EZH2: variants seen among roughly 807,000 people sequenced by gnomAD.
EZH2 encodes enhancer of zeste 2 polycomb repressive complex 2 subunit.
In EZH2, 18 loss-of-function variants were observed where a neutral mutation model predicts 98.4. The observed-to-expected ratio is 0.18, with a 90% CI of 0.13 to 0.27. The LOEUF is 0.27. Ranked by LOEUF, EZH2 falls within the 10% of genes least tolerant of loss-of-function variation. EZH2 has a pLI of 1.00. For missense variants in EZH2, 470 were observed against 935.1 expected (o/e 0.50, Z 6.49); for synonymous variants, 338 against 312.3 (o/e 1.08, Z -0.87).
chr7:148,842,455 T>C (rs1812703830), intron 3 of EZH2, among the ~76,000 whole-genome samples: 1 of 152,196 alleles, frequency 6.6e-6, no homozygotes, highest in Non-Finnish European at 1.5e-5. Flanking sequence ...AACATAGTTA[T>C]TACTGGTTGA....
In EZH2 at chr7:148,816,670, C is replaced by T. The variant is rs1297698887; in HGVS notation, c.1505+14G>A. The T allele has an allele frequency of 1.2e-6, 2 of 1,603,928 alleles. No homozygotes were observed. Among genetic ancestry groups the T allele is most frequent in the South Asian group, 2.2e-5 (2 of 90,848 alleles). On this transcript the variant is annotated intron_variant, in intron 12 of 19. Transcript: ENST00000320356. ...CTATGTTGACTTCTCTAAGGAGCTT[C>T]ATGACAGACTCACCGGTGTTTCCTC...
chr7:148,814,980 C>T lies in EZH2; in HGVS notation c.1606G>A (p.Asp536Asn). 3 of 1,613,938 alleles carry T rather than the reference C, an allele frequency of 1.9e-6. No homozygotes were observed. The highest frequency in any genetic ancestry group is 2.5e-6 in the Non-Finnish European group (3 of 1,180,008). ...GCTATCACACAAGGGCACGAACTGT[C>T]ACAAGGCTGCCGTGGATGATCACAG... The part of the protein sequence containing the change: ...QPCDHPRQPC[D>N]SSCPCVIAQN... Residue 536 changes from aspartate (D) to asparagine (N), a missense_variant, in exon 14 of 20, where the codon GAC becomes AAC. Coordinates refer to ENST00000320356, the MANE Select transcript of EZH2 (RefSeq NM_004456.5).
At chr7:148,854,901 A>G (rs1816554308) in intron 1 of EZH2, among the ~76,000 whole-genome samples, 1 of 152,276 alleles carries the variant, frequency 6.6e-6, no homozygotes, top group Admixed American at 6.5e-5. Context: ...AGGTAAGGAT[A>G]AGAAAAACAA....
intron 1 of EZH2, among the ~76,000 whole-genome samples, chr7:148,853,394 A>G (rs1029025444): frequency 1.2e-4 from 18 of 152,110 alleles, no homozygotes; most frequent in African/African-American, 4.3e-4. Context: ...CCTAGGCAAC[A>G]CAGTGAGACG....
At position 148,863,096 on chromosome 7, in the gene EZH2, A is replaced by AAAG. The variant is rs572993194; in HGVS notation, c.-7-15792_-7-15791insCTT. Among the ~76,000 whole-genome samples, 959 of 144,486 alleles carry AAAG rather than the reference A, an allele frequency of 6.6e-3. 16 individuals are homozygous for AAAG. Among genetic ancestry groups the AAAG allele is most frequent in the African/African-American group, 0.023 (903 of 38,494 alleles). The allele number at this position is 144,486 out of a possible 152,430, so 94.8% of individuals were successfully genotyped here. A position where few individuals can be genotyped will look rare whatever the true frequency, so the allele number is the denominator to read the frequency against. The stretch of plus-strand genomic sequence containing the variant: ...GAGACCCTGTCTCAAAAAAAAAAAA[A>AAAG]AAAGAAAGAAAGAAAGAAAAAATAG... On this transcript the variant is annotated intron_variant, in intron 1 of 19. Coordinates refer to ENST00000320356, the MANE Select transcript of EZH2 (RefSeq NM_004456.5).
intron 9 of EZH2, chr7:148,819,138 C>G: frequency 2.3e-6 from 1 of 438,466 alleles, no homozygotes; most frequent in Non-Finnish European, 4.5e-6. Context: ...TTTCCTAACC[C>G]CTTACCTGTT....
intron 2 of EZH2, 133 bp from the exon 3 acceptor site, chr7:148,846,731 T>A (rs1252505512): frequency 1.2e-4 from 92 of 742,588 alleles, no homozygotes; most frequent in Non-Finnish European, 1.9e-4. Flanking sequence ...TGCATATAGA[T>A]TTTACACTAT....
chr7:148,877,876 G>A (rs1376569206), intron 1 of EZH2, among the ~76,000 whole-genome samples: 1 of 152,124 alleles, frequency 6.6e-6, no homozygotes, highest in Admixed American at 6.5e-5. Flanking sequence ...CACCCAGAAA[G>A]CCAGCAGATA....
intron 1 of EZH2, among the ~76,000 whole-genome samples, chr7:148,854,379 T>C (rs1024952547): frequency 3.4e-5 from 5 of 148,074 alleles, no homozygotes; most frequent in African/African-American, 1.3e-4. Flanking sequence ...GAGCTTGCAG[T>C]GAGCCGAGAT....
At chr7:148,857,485 T>C (rs1816996606) in intron 1 of EZH2, among the ~76,000 whole-genome samples, 1 of 152,232 alleles carries the variant, frequency 6.6e-6, no homozygotes, top group South Asian at 2.1e-4. Flanking sequence ...GTGCAGTGGC[T>C]CATGCTTGTT....
At chr7:148,847,446 T>C in intron 1 of EZH2, 141 bp from the exon 2 acceptor site, 1 of 1,011,430 alleles carries the variant, frequency 9.9e-7, no homozygotes, top group Admixed American at 2.4e-5. Flanking sequence ...AGGTGCTCAT[T>C]TGTGCTGCAT....
intron 3 of EZH2, among the ~76,000 whole-genome samples, chr7:148,839,882 G>C (rs1378594642): frequency 6.6e-6 from 1 of 152,082 alleles, no homozygotes; most frequent in Non-Finnish European, 1.5e-5. Flanking sequence ...AAGTCCTTAT[G>C]AATCATAAGA....
chr7:148,830,209 G>A (rs186357260), intron 4 of EZH2, among the ~76,000 whole-genome samples: 5 of 152,190 alleles, frequency 3.3e-5, no homozygotes, highest in East Asian at 1.9e-4. Flanking sequence ...TAATTGAGAC[G>A]AGTGTCTCAC....
intron 1 of EZH2, among the ~76,000 whole-genome samples, chr7:148,880,871 TTGAC>T (rs1401783615): frequency 1.3e-5 from 2 of 152,216 alleles, no homozygotes; most frequent in Non-Finnish European, 2.9e-5. Flanking sequence ...AGGAGGCACT[TTGAC>T]TGTAGGGAAG....
rs533468838 is a variant in EZH2, at chr7:148,807,428, C to T, written c.*218G>A. The T allele has an allele frequency of 1.8e-6, 1 of 560,206 alleles. No homozygotes were observed. Among genetic ancestry groups the T allele is most frequent in the Non-Finnish European group, 3.2e-6 (1 of 314,090 alleles). 34.7% of individuals were successfully genotyped at this position (560,206 alleles called of 1,614,324 possible). A position where few individuals can be genotyped will look rare whatever the true frequency, so the allele number is the denominator to read the frequency against. On this transcript the variant is annotated 3_prime_UTR_variant, in exon 20 of 20. Transcript: ENST00000320356. ...ATTCAAAGTTGAAAAATGTACCATA[C>T]TGCATTATTGCAAAAATTCACTGGT...
chr7:148,845,922 T>C (rs1215852587), intron 3 of EZH2, among the ~76,000 whole-genome samples: 1 of 152,204 alleles, frequency 6.6e-6, no homozygotes, highest in Non-Finnish European at 1.5e-5. Flanking sequence ...TACCATAGAT[T>C]TACTGCCTTT....
intron 8 of EZH2, among the ~76,000 whole-genome samples, chr7:148,822,759 T>G (rs1210541931): frequency 6.6e-6 from 1 of 151,950 alleles, no homozygotes; most frequent in African/African-American, 2.4e-5. Flanking sequence ...CTGGCCAACA[T>G]GGTGAAACCC....
At chr7:148,831,634 G>A (rs895824623) in intron 4 of EZH2, among the ~76,000 whole-genome samples, 11 of 152,060 alleles carry the variant, frequency 7.2e-5, no homozygotes, top group Admixed American at 5.2e-4. Flanking sequence ...CTTCCCTCAA[G>A]GTCATGCAAT....
At chr7:148,860,344 A>G (rs1309035903) in intron 1 of EZH2, among the ~76,000 whole-genome samples, 4 of 152,094 alleles carry the variant, frequency 2.6e-5, no homozygotes, top group Admixed American at 1.3e-4. Flanking sequence ...AAAAAAAAAA[A>G]AGATTTTTAA....
Sources: allele counts gnomAD v4.1 joint callset (sites outside exome capture counted in the v4.1 genomes callset), GRCh38; gene constraint gnomAD v4.1.1; transcripts MANE v1.5; gene names NCBI Gene and HGNC (gene_info 2026-07-23, HGNC 2026-07-21).